PFKFB4: variants seen among roughly 807,000 people sequenced by gnomAD.
PFKFB4 encodes 6-phosphofructo-2-kinase/fructose-2,6-bisphosphatase 4.
Under a neutral mutation model 62.8 loss-of-function variants are expected in PFKFB4, and 42 were observed. The observed-to-expected ratio is 0.67, with a 90% confidence interval of 0.52 to 0.86. PFKFB4 has a LOEUF of 0.86. Among genes scored for constraint, PFKFB4 ranks in the 40% least tolerant of loss-of-function variants. PFKFB4 has a pLI of 0.00. For synonymous variants in PFKFB4, 204 were observed against 240.7 expected (o/e 0.85, Z 1.41); for missense variants, 475 against 627.2 (o/e 0.76, Z 2.59).
At chr3:48,523,451 T>A in intron 12 of PFKFB4, 86 bp downstream of exon 12, 1 of 1,326,062 alleles carries the variant, frequency 7.5e-7, no homozygotes, top group Non-Finnish European at 1.1e-6. Flanking sequence ...TAACACAATT[T>A]TCAAGGAATT....
intron 9 of PFKFB4, among the ~76,000 whole-genome samples, chr3:48,527,747 G>T (rs2042309336): frequency 1.3e-5 from 2 of 150,100 alleles, no homozygotes; most frequent in Non-Finnish European, 3.0e-5. Flanking sequence ...GAGTGCAGTG[G>T]TGCAATCTCA....
At chr3:48,554,103 C>T (rs1169374496) in intron 1 of PFKFB4, among the ~76,000 whole-genome samples, 1 of 152,068 alleles carries the variant, frequency 6.6e-6, no homozygotes, top group East Asian at 1.9e-4. Flanking sequence ...GTCCACCAGC[C>T]CCTAGTGCCC....
chr3:48,549,864 T>C lies in PFKFB4; in HGVS notation c.311A>G (p.Lys104Arg), dbSNP rs1020785000. The C allele has an allele frequency of 6.3e-7, 1 of 1,592,016 alleles. No individual in the cohort carries two copies. Among genetic ancestry groups the C allele is most frequent in the Non-Finnish European group, 8.6e-7 (1 of 1,159,824 alleles). The change falls in exon 3 of 14, where the codon AAG becomes AGG. Residue 104 changes from lysine (K) to arginine (R), a missense_variant and splice_region_variant. Transcript: ENST00000232375. Reference protein sequence around the residue: ...PDNEEGLKIRKQCALAALRDV... With the variant: ...PDNEEGLKIRRQCALAALRDV... ...CCCCACACCCAACACATATACTTACTTCCTGATTTTCAGGCCCTCTTCATT... is the reference window on the plus strand; with the variant it reads ...CCCCACACCCAACACATATACTTACCTCCTGATTTTCAGGCCCTCTTCATT...
intron 1 of PFKFB4, 97 bp from the exon 2 acceptor site, chr3:48,550,331 C>T (rs2107586278): frequency 1.3e-6 from 1 of 791,940 alleles, no homozygotes; most frequent in East Asian, 2.5e-5. Context: ...GGGCATGGGA[C>T]TGGCATCAGA....
intron 3 of PFKFB4, among the ~76,000 whole-genome samples, chr3:48,549,414 C>A (rs1451683131): frequency 2.0e-5 from 3 of 152,082 alleles, no homozygotes; most frequent in Non-Finnish European, 4.4e-5. Flanking sequence ...GCCTGTATGC[C>A]TGCACTCACT....
upstream of PFKFB4, chr3:48,561,696 T>A (rs1351369188): frequency 6.6e-6 from 1 of 150,900 alleles, no homozygotes; most frequent in South Asian, 2.1e-4. This position sits in a 1 kb window ranked among gnomAD's most constrained non-coding sequence, Gnocchi z 5.2. Flanking sequence ...CCATGTCTGC[T>A]ACATACACAA....
chr3:48,563,034 G>A (rs767627359), upstream of PFKFB4: 35 of 1,611,632 alleles, frequency 2.2e-5, no homozygotes, highest in South Asian at 1.4e-4. The surrounding 1 kb of genome is among the most constrained non-coding windows in gnomAD (Gnocchi z 4.5). Flanking sequence ...TTCTGAGGGC[G>A]GAGCTGGAAG....
intron 12 of PFKFB4, among the ~76,000 whole-genome samples, 158 bp from the exon 13 acceptor site, chr3:48,522,208 C>G (rs2042118704): frequency 6.6e-6 from 1 of 152,104 alleles, no homozygotes; most frequent in Non-Finnish European, 1.5e-5. Flanking sequence ...TGGGGAGCCC[C>G]GGGAGGAAGG....
chr3:48,533,549 A>G (rs1387579645), intron 9 of PFKFB4, among the ~76,000 whole-genome samples: 1 of 152,152 alleles, frequency 6.6e-6, no homozygotes, highest in Non-Finnish European at 1.5e-5. Context: ...AACAAAAACA[A>G]CTATTATTAA....
upstream of PFKFB4, chr3:48,559,904 A>G: frequency 1.3e-5 from 1 of 74,408 alleles, no homozygotes; most frequent in Middle Eastern, 5.7e-3. Flanking sequence ...CCCACCACAC[A>G]CACACACACA....
upstream of PFKFB4, chr3:48,561,589 ACC>A (rs2043433960): frequency 6.6e-6 from 1 of 152,612 alleles, no homozygotes. The surrounding 1 kb of genome is among the most constrained non-coding windows in gnomAD (Gnocchi z 5.2). Context: ...TGACTCACCC[ACC>A]ATGTGTCGCG....
In PFKFB4 at chr3:48,523,762, C is replaced by G; in HGVS notation, c.1161G>C (p.Leu387=). The change falls in exon 11 of 14, where the codon CTG becomes CTC. Residue 387 remains leucine, a synonymous_variant. Transcript: ENST00000232375. Reference sequence around the variant, plus strand: ...GCATCACAGCCTGGTGGCAGATGACCAGCACATTCTCTTGCCTCTCCAGCT... The same window carrying G: ...GCATCACAGCCTGGTGGCAGATGACGAGCACATTCTCTTGCCTCTCCAGCT... ...IMELERQENV[L]VICHQAVMRC... 2 of 1,614,226 alleles carry G rather than the reference C, an allele frequency of 1.2e-6. No homozygotes were observed. The highest frequency in any genetic ancestry group is 1.7e-6 in the Non-Finnish European group (2 of 1,180,040).
chr3:48,529,914 A>G (rs2107492971), intron 9 of PFKFB4, among the ~76,000 whole-genome samples: 1 of 152,228 alleles, frequency 6.6e-6, no homozygotes, highest in South Asian at 2.1e-4. Context: ...AGATGGTGCT[A>G]CTGCGCTCCA....
chr3:48,555,354 T>C (rs1020290260), intron 1 of PFKFB4, among the ~76,000 whole-genome samples: 4 of 152,146 alleles, frequency 2.6e-5, no homozygotes, highest in South Asian at 4.1e-4. Context: ...ACACACACCC[T>C]TCCCCCAGGA....
chr3:48,555,774 C>G (rs1008248101), intron 1 of PFKFB4, among the ~76,000 whole-genome samples: 4 of 151,902 alleles, frequency 2.6e-5, no homozygotes, highest in Non-Finnish European at 5.9e-5. Flanking sequence ...GGTGTGGTGG[C>G]GCACCTATAA....
chr3:48,536,267 G>T lies in PFKFB4; in HGVS notation c.829C>A (p.Arg277=). 6.2e-7 allele frequency: 1 copy of T among 1,613,494 alleles called. No homozygotes were observed. Among genetic ancestry groups the T allele is most frequent in the Non-Finnish European group, 8.5e-7 (1 of 1,179,722 alleles). Residue 277 remains arginine (R), a synonymous_variant, in exon 8 of 14, where the codon CGG becomes AGG. Transcript: ENST00000232375. ...RIGGDPGLSP[R]GREFAKSLAQ... ...ACACATGCACTGACCTCCCTGCCCCGAGGGGACAGTCCTGGGTCCCCGCCA... is the reference window on the plus strand; with the variant it reads ...ACACATGCACTGACCTCCCTGCCCCTAGGGGACAGTCCTGGGTCCCCGCCA...
In PFKFB4 at chr3:48,556,320, G is replaced by A. The variant is rs2043314538; in HGVS notation, c.97+361C>T. The A allele has an allele frequency of 7.7e-6, 4 of 517,000 alleles. No individual in the cohort carries two copies. Among genetic ancestry groups the A allele is most frequent in the Non-Finnish European group, 1.5e-5 (4 of 267,662 alleles). 32.0% of individuals were successfully genotyped at this position (517,000 alleles called of 1,614,324 possible). A position where few individuals can be genotyped will look rare whatever the true frequency, so the allele number is the denominator to read the frequency against. ...CCCGGCCCACACTCCTTGGCCAGGAGAGAGGGAAGGGCCTGGGGTGCCCAC... is the reference window on the plus strand; with the variant it reads ...CCCGGCCCACACTCCTTGGCCAGGAAAGAGGGAAGGGCCTGGGGTGCCCAC... On this transcript the variant is annotated intron_variant, in intron 1 of 13. Coordinates refer to ENST00000232375, the MANE Select transcript of PFKFB4 (RefSeq NM_004567.4). The surrounding 1 kb of genome is among the most constrained non-coding windows in gnomAD (Gnocchi z 5.7).
At chr3:48,535,323 G>GC (rs1182518341) in intron 9 of PFKFB4, among the ~76,000 whole-genome samples, 189 bp downstream of exon 9, 7 of 152,096 alleles carry the variant, frequency 4.6e-5, no homozygotes, top group African/African-American at 1.7e-4. Flanking sequence ...CCTGAGAATG[G>GC]TCTAGGGCTC....
At chr3:48,522,502 C>A (rs895027642) in intron 12 of PFKFB4, among the ~76,000 whole-genome samples, 20 of 152,334 alleles carry the variant, frequency 1.3e-4, no homozygotes, top group Admixed American at 1.2e-3. Flanking sequence ...CACAGCCATT[C>A]CCCCAAGAGC....
Sources: gnomAD v4.1 joint callset for allele counts (sites outside exome capture counted in the v4.1 genomes callset) on GRCh38, gnomAD v4.1.1 for gene constraint, Gnocchi (gnomAD v3.1) non-coding constraint, MANE v1.5 for transcripts, NCBI Gene and HGNC (gene_info 2026-07-23, HGNC 2026-07-21) for gene names.